Variants in NASP observed in about 807,000 individuals in gnomAD.
NASP encodes the protein NASP histone chaperone.
Under a neutral mutation model 89.5 loss-of-function variants are expected in NASP, and 24 were observed. That is an observed-to-expected ratio of 0.27 (90% confidence interval 0.19 to 0.38). NASP has a LOEUF of 0.38. Among genes scored for constraint, NASP ranks in the 10% least tolerant of loss-of-function variants. The pLI is 1.00. For missense variants in NASP, 848 were observed against 921.4 expected, an observed-to-expected ratio of 0.92 and a Z score of 1.03; for synonymous variants, 306 against 324.7, an observed-to-expected ratio of 0.94 and a Z score of 0.62.
At chr1:45,602,961 CT>C (rs1017313127) in intron 3 of NASP, among the ~76,000 whole-genome samples, 2 of 152,180 alleles carry the variant, frequency 1.3e-5, no homozygotes, top group African/African-American at 4.8e-5. Flanking sequence ...ACTAGAAGTT[CT>C]GTGTCTGTGG....
At chr1:45,597,670 T>TATA (rs966816095) in intron 2 of NASP, among the ~76,000 whole-genome samples, 1 of 152,202 alleles carries the variant, frequency 6.6e-6, no homozygotes, top group Non-Finnish European at 1.5e-5. Flanking sequence ...TACTGACAGA[T>TATA]ATAACTTGGA....
At chr1:45,612,057 T>C (rs1219914058) in intron 6 of NASP, 1 of 150,474 alleles carries the variant, frequency 6.6e-6, no homozygotes, top group Non-Finnish European at 1.5e-5. Flanking sequence ...TTTTTTTTAG[T>C]AGAGACGGGG....
intron 2 of NASP, among the ~76,000 whole-genome samples, chr1:45,597,298 CTTTTTT>C (rs71056314): frequency 1.1e-4 from 11 of 99,866 alleles, no homozygotes; most frequent in African/African-American, 2.3e-4. Context: ...CAGAGCAAGA[CTTTTTT>C]TTTTTTTTTT....
chr1:45,586,284 GGTGTGTGT>G (rs202167906), intron 1 of NASP, among the ~76,000 whole-genome samples: 8 of 100,532 alleles, frequency 8.0e-5, no homozygotes, highest in South Asian at 3.2e-4. Flanking sequence ...GTGTGTGTGT[GGTGTGTGT>G]GTGTGTGTGT....
At chr1:45,605,271 T>C (rs1470251715) in intron 4 of NASP, among the ~76,000 whole-genome samples, 1 of 152,198 alleles carries the variant, frequency 6.6e-6, no homozygotes, top group Non-Finnish European at 1.5e-5. Flanking sequence ...TTAAAAGCAC[T>C]GTGAGCTAGC....
At chr1:45,595,663 C>T (rs1368012765) in intron 2 of NASP, among the ~76,000 whole-genome samples, 1 of 152,200 alleles carries the variant, frequency 6.6e-6, no homozygotes, top group Non-Finnish European at 1.5e-5. Flanking sequence ...GGTGGATAAA[C>T]CTGCTGTTAC....
chr1:45,606,080 G>C (rs1643905087), intron 4 of NASP, among the ~76,000 whole-genome samples: 1 of 152,110 alleles, frequency 6.6e-6, no homozygotes, highest in African/African-American at 2.4e-5. Context: ...CTGGTCTCTG[G>C]TAAGTTTTTA....
intron 6 of NASP, chr1:45,612,205 C>T (rs147910428): frequency 1.8e-4 from 27 of 152,200 alleles, no homozygotes; most frequent in African/African-American, 5.5e-4. Context: ...TCTTTGAAAA[C>T]GGAATCTCTT....
In NASP at chr1:45,613,150, G is replaced by C. The variant is rs753758740; in HGVS notation, c.1427-19G>C. On this transcript the variant is annotated intron_variant, in intron 6 of 14. Transcript: ENST00000350030. ...CGTTCTTAGTTATATTCTCAATACT[G>C]AGGAATTTTTACTTGTAGAAACTGA... is the stretch of plus-strand genomic sequence containing the variant. The C allele has an allele frequency of 6.3e-7, 1 of 1,599,264 alleles. No individual in the cohort carries two copies.
At chr1:45,615,657 T>A in intron 11 of NASP, 186 bp downstream of exon 11, 1 of 584,846 alleles carries the variant, frequency 1.7e-6, no homozygotes, top group Non-Finnish European at 2.9e-6. Flanking sequence ...GGGTTTTAAT[T>A]CCATACTTAC....
At chr1:45,613,294 T>C (rs368112352) in intron 7 of NASP, 46 bp downstream of exon 7, 11 of 1,565,632 alleles carry the variant, frequency 7.0e-6, no homozygotes, top group Admixed American at 3.8e-5. Flanking sequence ...TTTTCTGTTT[T>C]TGGGAGACTG....
intron 1 of NASP, among the ~76,000 whole-genome samples, chr1:45,585,928 G>T (rs1313440671): frequency 2.0e-5 from 3 of 152,184 alleles, no homozygotes; most frequent in Admixed American, 1.3e-4. Flanking sequence ...CGTGAGGCAC[G>T]GCGCAGGGCC....
At chr1:45,597,846 CT>C (rs1643737200) in intron 2 of NASP, among the ~76,000 whole-genome samples, 1 of 152,132 alleles carries the variant, frequency 6.6e-6, no homozygotes, top group Non-Finnish European at 1.5e-5. Flanking sequence ...CAACAATACT[CT>C]TCTTGTTTCC....
At chr1:45,617,737 G>C (rs1387855717) in intron 14 of NASP, 146 bp downstream of exon 14, 2 of 1,044,848 alleles carry the variant, frequency 1.9e-6, no homozygotes, top group Non-Finnish European at 1.4e-6. Context: ...TACTTGTGCA[G>C]GAAAACAGTT....
At chr1:45,617,398 G>C (rs1644124680) in intron 13 of NASP, 65 bp from the exon 14 acceptor site, 4 of 1,551,304 alleles carry the variant, frequency 2.6e-6, no homozygotes, top group Non-Finnish European at 3.5e-6. Context: ...TTAAGGAAAT[G>C]TTTTGCAGTT....
At chr1:45,586,239 CGTGTGTGTGTGTGTGTGTGTGTGTGT>C (rs537983711) in intron 1 of NASP, among the ~76,000 whole-genome samples, 7 of 110,292 alleles carry the variant, frequency 6.3e-5, no homozygotes, top group African/African-American at 2.7e-4. Flanking sequence ...CCTACCGTGC[CGTGTGTGTGTGTGTGTGTGTGTGTGT>C]GTGTGTGTGT....
At chr1:45,597,298 C>CT (rs71056314) in intron 2 of NASP, among the ~76,000 whole-genome samples, 1,597 of 99,790 alleles carry the variant, frequency 0.016, 83 homozygotes, top group African/African-American at 0.063. Flanking sequence ...CAGAGCAAGA[C>CT]TTTTTTTTTT....
intron 1 of NASP, among the ~76,000 whole-genome samples, chr1:45,586,282 GTGGTGT>G (rs1167955254): frequency 8.5e-4 from 34 of 39,902 alleles, no homozygotes; most frequent in African/African-American, 2.9e-3. Context: ...GTGTGTGTGT[GTGGTGT>G]GTGTGTGTGT....
At chr1:45,595,131 G>T (rs1419298381) in intron 2 of NASP, among the ~76,000 whole-genome samples, 68 of 10,282 alleles carry the variant, frequency 6.6e-3, no homozygotes, top group African/African-American at 0.017. Context: ...ACTAAGTTTT[G>T]TGTGTGTGTG....
Sources: allele counts gnomAD v4.1 joint callset (sites outside exome capture counted in the v4.1 genomes callset), GRCh38; gene constraint gnomAD v4.1.1; transcripts MANE v1.5; gene names NCBI Gene and HGNC (gene_info 2026-07-23, HGNC 2026-07-21).